RAP1GAP2: variants seen among roughly 807,000 people sequenced by gnomAD.
RAP1GAP2 encodes rap1 GTPase-activating protein 2.
In RAP1GAP2, 27 loss-of-function variants were observed where a neutral mutation model predicts 95.0. The ratio of observed to expected loss-of-function variants is 0.28; its 90% confidence interval spans 0.21 to 0.39. The LOEUF is 0.39. Ranked by LOEUF, RAP1GAP2 falls within the 10% of genes least tolerant of loss-of-function variation. The probability of loss-of-function intolerance (pLI) is 1.00; values close to 1 mark genes in which losing one functional copy is unlikely to be tolerated. For synonymous variants in RAP1GAP2, 373 were observed against 380.9 expected, an observed-to-expected ratio of 0.98 and a Z score of 0.24; for missense variants, 771 against 970.0, an observed-to-expected ratio of 0.79 and a Z score of 2.72.
At position 2,903,858 on chromosome 17, in the gene RAP1GAP2, C is replaced by T. The variant is rs1390916376; in HGVS notation, c.81-1426C>T. 1.3e-5 allele frequency among the ~76,000 whole-genome samples: 2 copies of T among 152,140 alleles called. No individual in the cohort carries two copies. Among genetic ancestry groups the T allele is most frequent in the African/African-American group, 4.8e-5 (2 of 41,434 alleles). ...GTCCTGCTCCGTGGGCTCAGGGAGCCAGGCAGGATGGGGTCTGGGCCTGGA... is the reference window on the plus strand; with the variant it reads ...GTCCTGCTCCGTGGGCTCAGGGAGCTAGGCAGGATGGGGTCTGGGCCTGGA... On this transcript the variant is annotated intron_variant, in intron 2 of 24. Transcript: ENST00000254695. The surrounding 1 kb of genome is among the most constrained non-coding windows in gnomAD (Gnocchi z 4.1).
At chr17:2,888,641 CTTTTCT>C (rs1159537370) in intron 2 of RAP1GAP2, among the ~76,000 whole-genome samples, 3 of 135,296 alleles carry the variant, frequency 2.2e-5, no homozygotes, top group African/African-American at 8.5e-5. Flanking sequence ...TATATACCAC[CTTTTCT>C]TTTTCTTTTT....
At chr17:2,911,967 C>G (rs1283564512) in intron 3 of RAP1GAP2, among the ~76,000 whole-genome samples, 5 of 152,162 alleles carry the variant, frequency 3.3e-5, no homozygotes, top group Non-Finnish European at 7.4e-5. Flanking sequence ...GCCTTCCACA[C>G]CCCTCTTTGT....
intron 3 of RAP1GAP2, among the ~76,000 whole-genome samples, chr17:2,917,303 T>C (rs2042604066): frequency 6.6e-6 from 1 of 152,048 alleles, no homozygotes; most frequent in African/African-American, 2.4e-5. Context: ...AGAGTTGCGC[T>C]CTTGTTGCCC....
Position 3,003,463 on chromosome 17 carries a change from G to A in RAP1GAP2, c.1201-1906G>A, listed in dbSNP as rs1199852632. Reference sequence around the variant, plus strand: ...CGCCGGGGAGGGCCCTGTCTTTGTAGCCCCCTCCCCGTTTCCCGTCACGAC... The same window carrying A: ...CGCCGGGGAGGGCCCTGTCTTTGTAACCCCCTCCCCGTTTCCCGTCACGAC... On this transcript the variant is annotated intron_variant, in intron 14 of 24. Coordinates refer to ENST00000254695, the MANE Select transcript of RAP1GAP2 (RefSeq NM_015085.5). The surrounding 1 kb of genome is among the most constrained non-coding windows in gnomAD (Gnocchi z 4.1). Among the ~76,000 whole-genome samples, 3 of 152,060 alleles carry A rather than the reference G, an allele frequency of 2.0e-5. No individual in the cohort carries two copies. Among genetic ancestry groups the A allele is most frequent in the Non-Finnish European group, 4.4e-5 (3 of 68,026 alleles).
At position 3,003,904 on chromosome 17, in the gene RAP1GAP2, C is replaced by T. The variant is rs1242532121; in HGVS notation, c.1201-1465C>T. Among the ~76,000 whole-genome samples the T allele has an allele frequency of 6.6e-6, 1 of 152,158 alleles. No individual in the cohort carries two copies. The highest frequency in any genetic ancestry group is 2.4e-5 in the African/African-American group (1 of 41,430). On this transcript the variant is annotated intron_variant, in intron 14 of 24. Coordinates refer to ENST00000254695, the MANE Select transcript of RAP1GAP2 (RefSeq NM_015085.5). This position sits in a 1 kb window ranked among gnomAD's most constrained non-coding sequence, Gnocchi z 4.1. ...CCTGTCCTCCGTGTGGCCCACAGGGCTCTGCTGTGGGACTGTCCAGCTGGA... is the reference window on the plus strand; with the variant it reads ...CCTGTCCTCCGTGTGGCCCACAGGGTTCTGCTGTGGGACTGTCCAGCTGGA...
At chr17:2,914,321 C>CG (rs1197781247) in intron 3 of RAP1GAP2, among the ~76,000 whole-genome samples, 1 of 152,158 alleles carries the variant, frequency 6.6e-6, no homozygotes, top group Non-Finnish European at 1.5e-5. Context: ...GCTACTTGAA[C>CG]GGTATCTCAT....
intron 3 of RAP1GAP2, among the ~76,000 whole-genome samples, chr17:2,918,229 T>C (rs1002050450): frequency 2.0e-5 from 3 of 149,750 alleles, no homozygotes; most frequent in Admixed American, 2.0e-4. Context: ...AGGTCAGGAG[T>C]TCAAGACCAG....
At chr17:2,780,031 G>C (rs2068603019) in intron 1 of RAP1GAP2, among the ~76,000 whole-genome samples, 1 of 152,048 alleles carries the variant, frequency 6.6e-6, no homozygotes, top group East Asian at 1.9e-4. Flanking sequence ...CGTAGTTCGT[G>C]GTACAGCATC....
intron 8 of RAP1GAP2, among the ~76,000 whole-genome samples, chr17:2,973,605 TAAATAATGAA>T (rs2044966777): frequency 6.6e-6 from 1 of 152,208 alleles, no homozygotes; most frequent in South Asian, 2.1e-4. Flanking sequence ...CTAGTCTGTT[TAAATAATGAA>T]TTTATGAATT....
intron 1 of RAP1GAP2, among the ~76,000 whole-genome samples, chr17:2,757,350 G>C (rs552465271): frequency 6.6e-6 from 1 of 152,172 alleles, no homozygotes; most frequent in African/African-American, 2.4e-5. Flanking sequence ...TCGAACTCCT[G>C]GGCTCGAGCG....
chr17:3,004,118 T>C lies in RAP1GAP2; in HGVS notation c.1201-1251T>C, dbSNP rs536138490. Among the ~76,000 whole-genome samples the C allele has an allele frequency of 1.8e-3, 278 of 152,306 alleles. 1 individual carries two copies. Among genetic ancestry groups the C allele is most frequent in the African/African-American group, 6.5e-3 (272 of 41,588 alleles). On this transcript the variant is annotated intron_variant, in intron 14 of 24. Coordinates refer to ENST00000254695, the MANE Select transcript of RAP1GAP2 (RefSeq NM_015085.5). The surrounding 1 kb of genome is among the most constrained non-coding windows in gnomAD (Gnocchi z 4.1). Reference sequence around the variant, plus strand: ...CTTCCCACACCCCCACCCCTGATTCTGGCTCTGTGACTGAATTCTTGACCT... The same window carrying C: ...CTTCCCACACCCCCACCCCTGATTCCGGCTCTGTGACTGAATTCTTGACCT...
At chr17:2,932,184 T>C (rs1016236730) in intron 3 of RAP1GAP2, among the ~76,000 whole-genome samples, 6 of 152,134 alleles carry the variant, frequency 3.9e-5, no homozygotes, top group Non-Finnish European at 1.5e-5. Flanking sequence ...TTCCCAGCAG[T>C]GCTGATGTGG....
intron 2 of RAP1GAP2, among the ~76,000 whole-genome samples, chr17:2,823,052 T>C (rs1020899353): frequency 6.6e-6 from 1 of 152,148 alleles, no homozygotes; most frequent in Non-Finnish European, 1.5e-5. Context: ...GTGGCGAGTC[T>C]CTTGGTAAAG....
chr17:2,883,464 G>A (rs564993359), intron 2 of RAP1GAP2, among the ~76,000 whole-genome samples: 16 of 152,156 alleles, frequency 1.1e-4, no homozygotes, highest in South Asian at 2.1e-4. Flanking sequence ...GCCTTTTAAC[G>A]GATGGATTTT....
At chr17:2,783,655 T>A (rs1477555347) in intron 1 of RAP1GAP2, among the ~76,000 whole-genome samples, 1 of 152,222 alleles carries the variant, frequency 6.6e-6, no homozygotes, top group Non-Finnish European at 1.5e-5. Context: ...CACCCAAAGC[T>A]TATGGCTTAA....
chr17:2,909,356 C>T (rs534065195), intron 3 of RAP1GAP2, among the ~76,000 whole-genome samples: 2 of 152,120 alleles, frequency 1.3e-5, no homozygotes, highest in South Asian at 4.2e-4. Context: ...TAACTCAGAC[C>T]AGCCCTGGGA....
intron 2 of RAP1GAP2, among the ~76,000 whole-genome samples, chr17:2,882,738 G>A (rs918226239): frequency 6.6e-6 from 1 of 152,176 alleles, no homozygotes; most frequent in African/African-American, 2.4e-5. Context: ...TGCGGGTGCC[G>A]TTGTCTAGGT....
At chr17:2,765,937 C>A (rs1463218467) in intron 1 of RAP1GAP2, among the ~76,000 whole-genome samples, 1 of 152,128 alleles carries the variant, frequency 6.6e-6, no homozygotes, top group Admixed American at 6.6e-5. Flanking sequence ...CCACTGCACT[C>A]CAGCCTGGGT....
chr17:3,010,965 C>T (rs1312582523), intron 17 of RAP1GAP2, among the ~76,000 whole-genome samples: 1 of 151,832 alleles, frequency 6.6e-6, no homozygotes, highest in African/African-American at 2.4e-5. Flanking sequence ...CTTGCTTTGT[C>T]ACCCAGGCTG....
Sources: gnomAD v4.1 joint callset for allele counts (sites outside exome capture counted in the v4.1 genomes callset) on GRCh38, gnomAD v4.1.1 for gene constraint, Gnocchi (gnomAD v3.1) non-coding constraint, MANE v1.5 for transcripts, NCBI Gene and HGNC (gene_info 2026-07-23, HGNC 2026-07-21) for gene names.